Variants in NR6A1 observed in about 807,000 individuals in gnomAD.
The protein encoded by NR6A1 is nuclear receptor subfamily 6 group A member 1.
NR6A1 carries 7 observed loss-of-function variants against 59.1 expected under a neutral mutation model. The observed-to-expected ratio is 0.12, with a 90% CI of 0.07 to 0.22. The LOEUF (loss-of-function observed/expected upper bound fraction) is 0.22. Among genes scored for constraint, NR6A1 ranks in the 10% least tolerant of loss-of-function variants. The pLI, the probability that NR6A1 is intolerant of heterozygous loss-of-function variation, is 1.00. For synonymous variants in NR6A1, 243 were observed against 236.1 expected (o/e 1.03, Z -0.27); for missense variants, 468 against 611.6 (o/e 0.77, Z 2.48).
chr9:124,597,286 AC>A (rs760735029), intron 2 of NR6A1, among the ~76,000 whole-genome samples: 5 of 101,016 alleles, frequency 4.9e-5, no homozygotes, highest in Non-Finnish European at 9.8e-5. Flanking sequence ...CCCACCCCCC[AC>A]CCCAACCCCA....
intron 2 of NR6A1, among the ~76,000 whole-genome samples, chr9:124,567,230 C>A (rs1364199699): frequency 6.6e-6 from 1 of 152,060 alleles, no homozygotes. Context: ...GAGTCCTCAA[C>A]ACACAGAAGA....
intron 2 of NR6A1, among the ~76,000 whole-genome samples, chr9:124,654,761 C>T (rs1291684164): frequency 6.6e-6 from 1 of 152,030 alleles, no homozygotes; most frequent in Non-Finnish European, 1.5e-5. Flanking sequence ...CTTCATAGTA[C>T]TTTGAGAATT....
At chr9:124,715,418 C>T (rs142077798) in intron 2 of NR6A1, among the ~76,000 whole-genome samples, 1 of 151,934 alleles carries the variant, frequency 6.6e-6, no homozygotes, top group East Asian at 1.9e-4. Context: ...ACCTGTAGTC[C>T]CAGCTACTCT....
At position 124,681,575 on chromosome 9, in the gene NR6A1, C is replaced by T. The variant is rs929716110; in HGVS notation, c.142+51733G>A. Among the ~76,000 whole-genome samples, 5 of 151,932 alleles carry T rather than the reference C, an allele frequency of 3.3e-5. No individual in the cohort carries two copies. In the South Asian group the frequency reaches 6.2e-4, roughly 19 times the overall value. ...CAGGCTGGTCTTGAACTACTGACCT[C>T]GTGATCTGCCCACCTCGGTCTCCCA... On this transcript the variant is annotated intron_variant, in intron 2 of 9. Coordinates refer to ENST00000487099, the MANE Select transcript of NR6A1 (RefSeq NM_033334.4).
At chr9:124,546,472 AT>A (rs1833604704) in intron 3 of NR6A1, among the ~76,000 whole-genome samples, 1 of 152,200 alleles carries the variant, frequency 6.6e-6, no homozygotes, top group Non-Finnish European at 1.5e-5. Context: ...TAAATTATAC[AT>A]TTATTCTGAT....
At chr9:124,618,117 T>C (rs1263749938) in intron 2 of NR6A1, among the ~76,000 whole-genome samples, 1 of 152,210 alleles carries the variant, frequency 6.6e-6, no homozygotes, top group Non-Finnish European at 1.5e-5. Flanking sequence ...TGGTTTCTCA[T>C]TCCCTTTACT....
chr9:124,600,684 A>G (rs1231961653), intron 2 of NR6A1, among the ~76,000 whole-genome samples: 1 of 152,194 alleles, frequency 6.6e-6, no homozygotes, highest in Non-Finnish European at 1.5e-5. Flanking sequence ...TACACTAAAC[A>G]GATAAATGAC....
intron 2 of NR6A1, among the ~76,000 whole-genome samples, chr9:124,676,663 T>C (rs1226931337): frequency 6.6e-6 from 1 of 152,218 alleles, no homozygotes; most frequent in Admixed American, 6.5e-5. Flanking sequence ...GTAGTGATAA[T>C]CCATTTGTGG....
chr9:124,692,415 G>T (rs375717468), intron 2 of NR6A1: 2 of 522,790 alleles, frequency 3.8e-6, no homozygotes, highest in Non-Finnish European at 4.0e-6. Context: ...CTGCTCACTG[G>T]TTCTTGGGAT....
At chr9:124,713,110 T>C (rs1839323915) in intron 2 of NR6A1, among the ~76,000 whole-genome samples, 1 of 152,124 alleles carries the variant, frequency 6.6e-6, no homozygotes, top group Non-Finnish European at 1.5e-5. Context: ...TAAACCCTCA[T>C]ATATATGGTC....
At chr9:124,690,540 A>C (rs891476037) in intron 2 of NR6A1, among the ~76,000 whole-genome samples, 1 of 151,706 alleles carries the variant, frequency 6.6e-6, no homozygotes, top group African/African-American at 2.4e-5. Context: ...GTCAGCCTAT[A>C]ATTTTTTTTT....
chr9:124,674,117 C>A (rs1837880337), intron 2 of NR6A1, among the ~76,000 whole-genome samples: 1 of 152,166 alleles, frequency 6.6e-6, no homozygotes, highest in Admixed American at 6.5e-5. Context: ...TATAAGTAAA[C>A]CACTTAGTAC....
At chr9:124,701,341 T>C (rs1401319590) in intron 2 of NR6A1, among the ~76,000 whole-genome samples, 5 of 152,228 alleles carry the variant, frequency 3.3e-5, no homozygotes, top group Non-Finnish European at 7.3e-5. Flanking sequence ...AGAGCACCTT[T>C]GCATGTGATG....
chr9:124,631,502 G>A (rs1348862838), intron 2 of NR6A1, among the ~76,000 whole-genome samples: 1 of 152,170 alleles, frequency 6.6e-6, no homozygotes, highest in African/African-American at 2.4e-5. Flanking sequence ...CACAGATTAT[G>A]TCTAAAAATA....
At chr9:124,607,953 T>A (rs1000956873) in intron 2 of NR6A1, among the ~76,000 whole-genome samples, 7 of 152,038 alleles carry the variant, frequency 4.6e-5, no homozygotes, top group Non-Finnish European at 1.0e-4. Context: ...ACAACTGTAG[T>A]CCCAGTTACT....
At chr9:124,549,344 C>T (rs1284551068) in intron 3 of NR6A1, among the ~76,000 whole-genome samples, 1 of 152,060 alleles carries the variant, frequency 6.6e-6, no homozygotes, top group Non-Finnish European at 1.5e-5. Flanking sequence ...TGGGGAACAC[C>T]AAATGGAGAA....
intron 2 of NR6A1, among the ~76,000 whole-genome samples, chr9:124,565,147 G>T (rs1043961671): frequency 6.6e-6 from 1 of 152,124 alleles, no homozygotes; most frequent in East Asian, 1.9e-4. Flanking sequence ...GAAGTCAGAA[G>T]GCCAGGTGTG....
At chr9:124,641,337 C>CA (rs1267749829) in intron 2 of NR6A1, among the ~76,000 whole-genome samples, 1 of 116,424 alleles carries the variant, frequency 8.6e-6, no homozygotes, top group Non-Finnish European at 1.8e-5. Context: ...CCAGCCTGGG[C>CA]AAAAAGAGTG....
In NR6A1 at chr9:124,771,075, C is replaced by T. The variant is rs1841144161; in HGVS notation, c.45G>A (p.Gly15=). 1 of 1,230,410 alleles carries T rather than the reference C, an allele frequency of 8.1e-7. No homozygotes were observed. The highest frequency in any genetic ancestry group is 1.0e-6 in the Non-Finnish European group (1 of 987,020). The allele number at this position is 1,230,410 out of a possible 1,614,324, so 76.2% of individuals were successfully genotyped here. Residue 15 remains glycine, a synonymous_variant, in exon 1 of 10, where the codon GGG becomes GGA. Coordinates refer to ENST00000487099, the MANE Select transcript of NR6A1 (RefSeq NM_033334.4). ...EPPPSGGGGG[G]GSAGFLEPPA... ...GAGGCTCCAGGAACCCCGCCGAGCC[C>T]CCGCCGCCTCCCCCTCCGCTAGGCG...
Sources: allele counts gnomAD v4.1 joint callset (sites outside exome capture counted in the v4.1 genomes callset), GRCh38; gene constraint gnomAD v4.1.1; transcripts MANE v1.5; gene names NCBI Gene and HGNC (gene_info 2026-07-23, HGNC 2026-07-21).